KCNJ14: variants seen among roughly 807,000 people sequenced by gnomAD.
KCNJ14 encodes ATP-sensitive inward rectifier potassium channel 14.
A neutral mutation model predicts 24.5 loss-of-function variants in KCNJ14; 18 were observed. That is an observed-to-expected ratio of 0.74 (90% CI 0.51 to 1.09). KCNJ14 has a LOEUF of 1.09. Among genes scored for constraint, KCNJ14 ranks in the 50% least tolerant of loss-of-function variants. The pLI, the probability that KCNJ14 is intolerant of heterozygous loss-of-function variation, is 0.00. For missense variants in KCNJ14, 633 were observed against 623.0 expected (o/e 1.02, Z -0.17); for synonymous variants, 288 against 270.8 (o/e 1.06, Z -0.63).
At position 48,466,323 on chromosome 19, in the gene KCNJ14, A is replaced by G. The variant is rs1289232429; in HGVS notation, c.*1546A>G. ...TTGAACTCCCGACCTCAGATGATCCACCTGCCTCGGTCTCCCAAAGTGCTG... is the reference window on the plus strand; with the variant it reads ...TTGAACTCCCGACCTCAGATGATCCGCCTGCCTCGGTCTCCCAAAGTGCTG... On this transcript the variant is annotated 3_prime_UTR_variant, in exon 3 of 3. Coordinates refer to ENST00000342291, the MANE Select transcript of KCNJ14 (RefSeq NM_013348.4). 6.6e-6 allele frequency: 1 copy of G among 151,346 alleles called. No individual in the cohort carries two copies. The highest frequency in any genetic ancestry group is 1.9e-4 in the East Asian group (1 of 5,174). The allele number at this position is 151,346 out of a possible 1,614,324, so 9.4% of individuals were successfully genotyped here.
chr19:48,459,391 C>T (rs1316199337), intron 1 of KCNJ14, among the ~76,000 whole-genome samples: 1 of 151,934 alleles, frequency 6.6e-6, no homozygotes, highest in Non-Finnish European at 1.5e-5. Flanking sequence ...GTTGTCTTTT[C>T]CCTTTCTTAA....
intron 2 of KCNJ14, among the ~76,000 whole-genome samples, chr19:48,463,958 C>T (rs1350113540): frequency 6.6e-6 from 1 of 152,072 alleles, no homozygotes. Flanking sequence ...CCATCCTCCC[C>T]TCCTGGGTCT....
At position 48,462,990 on chromosome 19, in the gene KCNJ14, C is replaced by T. The variant is rs1273864016; in HGVS notation, c.714+552C>T. ...CCAGGCCTCTAGGTGTGGGGTCCTGCGGCATCTGTGGGAGAATTCATTCCC... is the reference window on the plus strand; with the variant it reads ...CCAGGCCTCTAGGTGTGGGGTCCTGTGGCATCTGTGGGAGAATTCATTCCC... On this transcript the variant is annotated intron_variant, in intron 2 of 2. Transcript: ENST00000342291. This position sits in a 1 kb window ranked among gnomAD's most constrained non-coding sequence, Gnocchi z 4.9. Among the ~76,000 whole-genome samples the T allele has an allele frequency of 6.6e-6, 1 of 152,124 alleles. No homozygotes were observed. Among genetic ancestry groups the T allele is most frequent in the Non-Finnish European group, 1.5e-5 (1 of 68,010 alleles).
chr19:48,462,499 G>A lies in KCNJ14; in HGVS notation c.714+61G>A. 1 of 1,301,876 alleles carries A rather than the reference G, an allele frequency of 7.7e-7. No homozygotes were observed. The highest frequency in any genetic ancestry group is 1.0e-6 in the Non-Finnish European group (1 of 975,282). 80.6% of individuals were successfully genotyped at this position (1,301,876 alleles called of 1,614,324 possible). ...CCCTGGGGGATTGTGGGAGATGTAG[G>A]CCCGAGGGCGAGGGGCGTGCGGTCC... On this transcript the variant is annotated intron_variant, in intron 2 of 2. Coordinates refer to ENST00000342291, the MANE Select transcript of KCNJ14 (RefSeq NM_013348.4). The surrounding 1 kb of genome is among the most constrained non-coding windows in gnomAD (Gnocchi z 4.9).
chr19:48,464,583 G>C lies in KCNJ14; in HGVS notation c.1117G>C (p.Ala373Pro). 1.2e-6 allele frequency: 2 copies of C among 1,614,148 alleles called. No individual in the cohort carries two copies. Among genetic ancestry groups the C allele is most frequent in the Non-Finnish European group, 1.7e-6 (2 of 1,180,040 alleles). The change falls in exon 3 of 3, where the codon GCT (alanine) becomes CCT (proline). Residue 373 changes from alanine to proline, a missense_variant. By Grantham distance (27) the Ala-to-Pro change is conservative. Transcript: ENST00000342291. ...GGAGCTGGATGAACGGGCAGAGCAG[G>C]CTTCCCACAGCCTCAAGTCTAGTTT... The part of the protein sequence containing the change: ...AKELDERAEQ[A>P]SHSLKSSFPG...
chr19:48,461,974 G>T lies in KCNJ14; in HGVS notation c.250G>T (p.Val84Leu), dbSNP rs755735450. ...CGACCTGTTCACCACATGCGTGGAC[G>T]TGCGCTGGCGCTGGATGTGCCTGCT... ...LSDLFTTCVD[V>L]RWRWMCLLFS... The change falls in exon 2 of 3, where the codon GTG becomes TTG. Residue 84 changes from valine (V) to leucine (L), a missense_variant. Val to Leu is a conservative substitution (Grantham distance 32). Transcript: ENST00000342291. 1.2e-6 allele frequency: 2 copies of T among 1,613,008 alleles called. No homozygotes were observed.
chr19:48,464,373 C>G lies in KCNJ14; in HGVS notation c.907C>G (p.Leu303Val), dbSNP rs746854974. ...ARADFELVVI[L>V]EGMVEATAMT... ...GGCTGACTTTGAGCTGGTGGTCATT[C>G]TCGAGGGGATGGTTGAGGCCACAGC... The change falls in exon 3 of 3, where the codon CTC becomes GTC. Residue 303 changes from leucine (L) to valine (V), a missense_variant. By Grantham distance (32) the Leu-to-Val change is conservative (BLOSUM62 1). Transcript: ENST00000342291. 1.9e-6 allele frequency: 3 copies of G among 1,613,104 alleles called. No individual in the cohort carries two copies. The highest frequency in any genetic ancestry group is 2.5e-6 in the Non-Finnish European group (3 of 1,179,584).
chr19:48,456,385 G>A (rs7257118), intron 1 of KCNJ14: 25,468 of 152,320 alleles, frequency 0.17, 4,103 homozygotes, highest in African/African-American at 0.42. Flanking sequence ...AGGGTTGTCA[G>A]GGGTGAGATA....
rs1448359646 is a variant in KCNJ14 at position 48,464,541 on chromosome 19, C to T, written c.1075C>T (p.Pro359Ser). 2 of 1,614,126 alleles carry T rather than the reference C, an allele frequency of 1.2e-6. No individual in the cohort carries two copies. ...TCGCACTTATGAGGTCCCAGGGACA[C>T]CGGTCTGCAGTGCTAAGGAGCTGGA... Reference protein sequence around the residue: ...FHRTYEVPGTPVCSAKELDER... With the variant: ...FHRTYEVPGTSVCSAKELDER... The change falls in exon 3 of 3, where the codon CCG becomes TCG. Residue 359 changes from proline (P) to serine (S), a missense_variant. Pro to Ser is a moderately conservative substitution (Grantham distance 74). Coordinates refer to ENST00000342291, the MANE Select transcript of KCNJ14 (RefSeq NM_013348.4).
chr19:48,460,943 C>A (rs929244811), intron 1 of KCNJ14, among the ~76,000 whole-genome samples: 1 of 151,640 alleles, frequency 6.6e-6, no homozygotes, highest in Non-Finnish European at 1.5e-5. Context: ...TCGCTTGAGG[C>A]CAGGAGTTTG....
rs1050809864 is a variant in KCNJ14, at chr19:48,464,774, A to G, written c.1308A>G (p.Pro436=). The G allele has an allele frequency of 6.3e-7, 1 of 1,599,418 alleles. No homozygotes were observed. Among genetic ancestry groups the G allele is most frequent in the Non-Finnish European group, 8.5e-7 (1 of 1,177,070 alleles). ...CAACCCTGGCGCTGACCCTGCCTCC[A>G]TGATGCAAACTGATGTCCCCTTCCC... ...LTPTLALTLP[P] is the part of the protein sequence containing the mutation. Residue 436 remains proline, a synonymous_variant, in exon 3 of 3, where the codon CCA becomes CCG. Coordinates refer to ENST00000342291, the MANE Select transcript of KCNJ14 (RefSeq NM_013348.4).
chr19:48,458,163 A>G (rs1202398460), intron 1 of KCNJ14, among the ~76,000 whole-genome samples: 1 of 152,172 alleles, frequency 6.6e-6, no homozygotes, highest in Non-Finnish European at 1.5e-5. Flanking sequence ...ACATTTGTGT[A>G]CCAGTTTTTG....
Position 48,464,355 on chromosome 19 carries a change from T to A in KCNJ14, c.889T>A (p.Phe297Ile). The A allele has an allele frequency of 6.2e-7, 1 of 1,613,224 alleles. No individual in the cohort carries two copies. Among genetic ancestry groups the A allele is most frequent in the South Asian group, 1.1e-5 (1 of 90,880 alleles). ...LGRAELARADFELVVILEGMV... is the reference protein window; with the variant it reads ...LGRAELARADIELVVILEGMV... ...ACGTGCCGAGCTGGCCAGGGCTGAC[T>A]TTGAGCTGGTGGTCATTCTCGAGGG... Residue 297 changes from phenylalanine to isoleucine, a missense_variant, in exon 3 of 3, where the codon TTT (phenylalanine) becomes ATT (isoleucine). Transcript: ENST00000342291.
chr19:48,464,488 A>G lies in KCNJ14; in HGVS notation c.1022A>G (p.Gln341Arg). 1 of 1,614,122 alleles carries G rather than the reference A, an allele frequency of 6.2e-7. No homozygotes were observed. The highest frequency in any genetic ancestry group is 1.6e-4 in the Middle Eastern group (1 of 6,062). The change falls in exon 3 of 3, where the codon CAG (glutamine) becomes CGG (arginine). Residue 341 changes from glutamine (Q) to arginine (R), a missense_variant. Coordinates refer to ENST00000342291, the MANE Select transcript of KCNJ14 (RefSeq NM_013348.4). ...CCAGTTCTCTTCCAGCGTGGCTCCC[A>G]GTATGAGGTCGACTATCGCCACTTC... ...FEPVLFQRGS[Q>R]YEVDYRHFHR...
rs547132973 is a variant in KCNJ14, at chr19:48,466,608, C to G, written c.*1831C>G. The G allele has an allele frequency of 7.2e-5, 11 of 152,272 alleles. No individual in the cohort carries two copies. The highest frequency in any genetic ancestry group is 6.2e-4 in the South Asian group (3 of 4,830). The allele number at this position is 152,272 out of a possible 1,614,324, so 9.4% of individuals were successfully genotyped here. ...CTCCTCTTCATGTCAGTTTCCCCATCTGTAAAAACGGGATATTGGAACTTG... is the reference window on the plus strand; with the variant it reads ...CTCCTCTTCATGTCAGTTTCCCCATGTGTAAAAACGGGATATTGGAACTTG... On this transcript the variant is annotated 3_prime_UTR_variant, in exon 3 of 3. Coordinates refer to ENST00000342291, the MANE Select transcript of KCNJ14 (RefSeq NM_013348.4).
Position 48,462,344 on chromosome 19 carries a change from C to G in KCNJ14, c.620C>G (p.Ala207Gly). The change falls in exon 2 of 3, where the codon GCG (alanine) becomes GGG (glycine). Residue 207 changes from alanine to glycine, a missense_variant. Transcript: ENST00000342291. The surrounding 1 kb of genome is among the most constrained non-coding windows in gnomAD (Gnocchi z 4.9). ...TLVFSENAVV[A>G]LRDHRLCLMW... ...GTCTTCAGCGAGAACGCCGTCGTGG[C>G]GCTGCGCGACCACCGCCTCTGCCTC... 6.5e-7 allele frequency: 1 copy of G among 1,544,866 alleles called. No individual in the cohort carries two copies. Among genetic ancestry groups the G allele is most frequent in the Non-Finnish European group, 8.8e-7 (1 of 1,141,572 alleles).
chr19:48,460,854 C>T (rs142504314), intron 1 of KCNJ14, among the ~76,000 whole-genome samples: 123 of 152,090 alleles, frequency 8.1e-4, no homozygotes, highest in African/African-American at 2.8e-3. Flanking sequence ...GTTTATCTTC[C>T]AACTTGGAAG....
In KCNJ14 at chr19:48,464,203, A is replaced by C; in HGVS notation, c.737A>C (p.Glu246Ala). The change falls in exon 3 of 3, where the codon GAG (glutamate) becomes GCG (alanine). Residue 246 changes from glutamate (E) to alanine (A), a missense_variant. By Grantham distance (107) the Glu-to-Ala change is moderately radical. Coordinates refer to ENST00000342291, the MANE Select transcript of KCNJ14 (RefSeq NM_013348.4). ...LLQPRVTPEGEYIPLDHQDVD... is the reference protein window; with the variant it reads ...LLQPRVTPEGAYIPLDHQDVD... Reference sequence around the variant, plus strand: ...CAGCCCCGTGTGACCCCAGAGGGTGAGTACATCCCGCTGGACCACCAGGAT... The same window carrying C: ...CAGCCCCGTGTGACCCCAGAGGGTGCGTACATCCCGCTGGACCACCAGGAT... 1 of 1,613,854 alleles carries C rather than the reference A, an allele frequency of 6.2e-7. No homozygotes were observed. Among genetic ancestry groups the C allele is most frequent in the Non-Finnish European group, 8.5e-7 (1 of 1,179,844 alleles).
chr19:48,456,398 G>A lies in KCNJ14; in HGVS notation c.-56+540G>A, dbSNP rs376927663. The A allele has an allele frequency of 3.3e-5, 5 of 152,316 alleles. No homozygotes were observed. In the East Asian group the frequency reaches 9.6e-4, roughly 29 times the overall value. The allele number at this position is 152,316 out of a possible 1,614,324, so 9.4% of individuals were successfully genotyped here. ...GCAGGGTTGTCAGGGGTGAGATAGA[G>A]TCAAGGTTGGGGTACACTGTGGGCA... is the stretch of plus-strand genomic sequence containing the variant. On this transcript the variant is annotated intron_variant, in intron 1 of 2. Coordinates refer to ENST00000342291, the MANE Select transcript of KCNJ14 (RefSeq NM_013348.4).
Sources: gnomAD v4.1 joint callset for allele counts (sites outside exome capture counted in the v4.1 genomes callset) on GRCh38, gnomAD v4.1.1 for gene constraint, Gnocchi (gnomAD v3.1) non-coding constraint, MANE v1.5 for transcripts, NCBI Gene and HGNC (gene_info 2026-07-23, HGNC 2026-07-21) for gene names.